The following MYT1L variants were observed in gnomAD, a reference collection of about 807,000 sequenced individuals.
MYT1L encodes myelin transcription factor 1 like.
A neutral mutation model predicts 126.7 loss-of-function variants in MYT1L; 12 were observed. The ratio of observed to expected loss-of-function variants is 0.09; its 90% confidence interval spans 0.06 to 0.15. The LOEUF (loss-of-function observed/expected upper bound fraction) is 0.15. MYT1L is among the 10% of genes least tolerant of loss of function. MYT1L has a pLI of 1.00. For missense variants in MYT1L, 979 were observed against 1,585.2 expected, an observed-to-expected ratio of 0.62 and a Z score of 6.49; for synonymous variants, 541 against 604.2, an observed-to-expected ratio of 0.90 and a Z score of 1.53.
intron 15 of MYT1L, among the ~76,000 whole-genome samples, chr2:1,890,644 T>TAA (rs879792677): frequency 2.7e-5 from 4 of 146,308 alleles, no homozygotes; most frequent in Non-Finnish European, 6.1e-5. Context: ...GACAGAAAGT[T>TAA]AAAAAAAAAA....
intron 21 of MYT1L, among the ~76,000 whole-genome samples, chr2:1,837,047 C>T (rs545872431): frequency 3.3e-5 from 5 of 152,204 alleles, no homozygotes; most frequent in South Asian, 4.2e-4. Flanking sequence ...CGTCATGGGG[C>T]GGGGTCCTGC....
chr2:1,866,995 T>A (rs1183204347), intron 18 of MYT1L, among the ~76,000 whole-genome samples: 318 of 64,744 alleles, frequency 4.9e-3, no homozygotes, highest in African/African-American at 0.015. Flanking sequence ...AGAGAGAGAG[T>A]AAAGCAGGCA....
At chr2:2,294,200 G>A (rs979999244) in intron 1 of MYT1L, among the ~76,000 whole-genome samples, 16 of 152,190 alleles carry the variant, frequency 1.1e-4, no homozygotes, top group African/African-American at 3.4e-4. Flanking sequence ...GACGGTTAGC[G>A]ACTCACGGGC....
In MYT1L at chr2:1,817,987, C is replaced by T. The variant is rs551483217; in HGVS notation, c.3081-8820G>A. On this transcript the variant is annotated intron_variant, in intron 21 of 24. Transcript: ENST00000647738. ...GGCTGCTCCACCCGCTTGCCCCAGG[C>T]CCCAGACGTCTGGCACCAGGCGTCA... Among the ~76,000 whole-genome samples the T allele has an allele frequency of 1.9e-3, 287 of 152,284 alleles. 1 individual carries two copies. The highest frequency in any genetic ancestry group is 6.5e-3 in the African/African-American group (271 of 41,562).
chr2:1,865,225 C>A (rs990092811), intron 18 of MYT1L, among the ~76,000 whole-genome samples: 1 of 152,136 alleles, frequency 6.6e-6, no homozygotes, highest in African/African-American at 2.4e-5. Flanking sequence ...AAAGGTGGGA[C>A]CTGCACTGGA....
intron 21 of MYT1L, among the ~76,000 whole-genome samples, chr2:1,831,238 T>TGGCTCCCCCCAGATGGAGCTCTGCTCC (rs1558684951): frequency 1.2e-4 from 17 of 145,128 alleles, no homozygotes; most frequent in African/African-American, 1.0e-4. Context: ...AGCTCTGCTC[T>TGGCTCCCCCCAGATGGAGCTCTGCTCC]GAGGACCCCC....
At chr2:2,267,406 A>G (rs1046192548) in intron 2 of MYT1L, among the ~76,000 whole-genome samples, 2 of 152,226 alleles carry the variant, frequency 1.3e-5, no homozygotes, top group African/African-American at 4.8e-5. Flanking sequence ...GTAAACCCAC[A>G]TGAAGGCGTC....
chr2:2,250,617 C>T (rs1364906879), intron 2 of MYT1L, among the ~76,000 whole-genome samples: 1 of 148,762 alleles, frequency 6.7e-6, no homozygotes. Context: ...AACAAAGAGA[C>T]TATAGTCAAT....
chr2:2,067,210 T>C (rs1206795614), intron 3 of MYT1L, among the ~76,000 whole-genome samples: 7 of 152,184 alleles, frequency 4.6e-5, no homozygotes, highest in Non-Finnish European at 1.0e-4. Flanking sequence ...ATTAAATCCA[T>C]GTGGTGTTGA....
intron 2 of MYT1L, among the ~76,000 whole-genome samples, chr2:2,210,252 A>G (rs1017612628): frequency 6.6e-6 from 1 of 152,126 alleles, no homozygotes; most frequent in African/African-American, 2.4e-5. Flanking sequence ...TTAACTTGAT[A>G]TGATCCCATT....
At chr2:2,144,821 A>G (rs2084632546) in intron 3 of MYT1L, among the ~76,000 whole-genome samples, 1 of 152,214 alleles carries the variant, frequency 6.6e-6, no homozygotes, top group Non-Finnish European at 1.5e-5. Flanking sequence ...GGCTCTCATC[A>G]TGTAAAATCC....
At chr2:1,794,075 GGTCCC>G (rs1278977487) in intron 23 of MYT1L, among the ~76,000 whole-genome samples, 1 of 152,188 alleles carries the variant, frequency 6.6e-6, no homozygotes, top group Non-Finnish European at 1.5e-5. Flanking sequence ...TCATGGCCCA[GGTCCC>G]GAGGTTTTTA....
intron 3 of MYT1L, among the ~76,000 whole-genome samples, chr2:2,137,515 G>C (rs1034425790): frequency 3.9e-5 from 6 of 152,148 alleles, no homozygotes; most frequent in African/African-American, 1.4e-4. Flanking sequence ...GAACAGAACA[G>C]AGCCCTCAGA....
At chr2:2,169,779 G>A (rs948333559) in intron 3 of MYT1L, among the ~76,000 whole-genome samples, 6 of 152,120 alleles carry the variant, frequency 3.9e-5, no homozygotes, top group South Asian at 2.1e-4. Context: ...ACTGCTGACC[G>A]GCATCCCTCA....
intron 3 of MYT1L, among the ~76,000 whole-genome samples, chr2:2,110,625 C>A (rs1241816186): frequency 6.6e-6 from 1 of 151,418 alleles, no homozygotes; most frequent in Non-Finnish European, 1.5e-5. Context: ...CTCCCTCTCC[C>A]TCCCCTCATT....
intron 2 of MYT1L, among the ~76,000 whole-genome samples, chr2:2,217,880 T>C (rs1419096608): frequency 5.3e-5 from 8 of 152,198 alleles, no homozygotes; most frequent in Non-Finnish European, 1.0e-4. Flanking sequence ...GATAACAAGA[T>C]CAGCACCACA....
intron 8 of MYT1L, among the ~76,000 whole-genome samples, chr2:1,957,367 T>C (rs2149362090): frequency 6.6e-6 from 1 of 152,322 alleles, no homozygotes; most frequent in South Asian, 2.1e-4. Context: ...GGACCTGTTA[T>C]CTAAGCAGTA....
chr2:2,249,930 T>G (rs1378467534), intron 2 of MYT1L, among the ~76,000 whole-genome samples: 2 of 152,178 alleles, frequency 1.3e-5, no homozygotes, highest in Non-Finnish European at 2.9e-5. Context: ...GTGTTCAACA[T>G]TACTGATTAT....
chr2:1,976,939 C>T (rs1231102518), intron 8 of MYT1L, among the ~76,000 whole-genome samples: 3 of 152,116 alleles, frequency 2.0e-5, no homozygotes, highest in Non-Finnish European at 4.4e-5. Context: ...GTAGACGTTA[C>T]GTAAGTTGTC....
Sources: allele counts gnomAD v4.1 joint callset (sites outside exome capture counted in the v4.1 genomes callset), GRCh38; gene constraint gnomAD v4.1.1; transcripts MANE v1.5; gene names NCBI Gene and HGNC (gene_info 2026-07-23, HGNC 2026-07-21).